ZNF609: variants seen among roughly 807,000 people sequenced by gnomAD.
The protein encoded by ZNF609 is zinc finger protein 609.
In ZNF609, 11 loss-of-function variants were observed where a neutral mutation model predicts 109.5. The ratio of observed to expected loss-of-function variants is 0.10; its 90% CI spans 0.06 to 0.17. The LOEUF (loss-of-function observed/expected upper bound fraction) is 0.17, where lower values mean the gene tolerates loss of function less well. Ranked by LOEUF, ZNF609 falls within the 10% of genes least tolerant of loss-of-function variation. The pLI is 1.00. For synonymous variants in ZNF609, 646 were observed against 662.0 expected (o/e 0.98, Z 0.37); for missense variants, 1,559 against 1,772.4 (o/e 0.88, Z 2.16).
intron 3 of ZNF609, among the ~76,000 whole-genome samples, chr15:64,659,835 CTTT>C (rs755818323): frequency 7.3e-5 from 10 of 137,198 alleles, no homozygotes; most frequent in Admixed American, 2.2e-4. Context: ...TTCTTTCTTT[CTTT>C]TTTTTTTTTT....
intron 2 of ZNF609, among the ~76,000 whole-genome samples, chr15:64,588,420 T>C (rs1187419167): frequency 1.2e-3 from 1 of 868 alleles, no homozygotes; most frequent in African/African-American, 1.4e-3. Flanking sequence ...AGAGCGACAC[T>C]CTGTCTAAAA....
At chr15:64,578,638 G>A (rs1010270421) in intron 2 of ZNF609, among the ~76,000 whole-genome samples, 1 of 152,182 alleles carries the variant, frequency 6.6e-6, no homozygotes. Flanking sequence ...GGTTGCAGTA[G>A]CTGAGATCGT....
chr15:64,674,944 A>G lies in ZNF609; in HGVS notation c.2090A>G (p.Asn697Ser), dbSNP rs1402293503. The G allele has an allele frequency of 3.1e-6, 5 of 1,614,020 alleles. No individual in the cohort carries two copies. The East Asian group carries it at 6.7e-5, about 22-fold the overall frequency. The change falls in exon 5 of 10, where the codon AAC becomes AGC. Residue 697 changes from asparagine (N) to serine (S), a missense_variant. Asn to Ser is a conservative substitution (Grantham distance 46, BLOSUM62 1). Transcript: ENST00000326648. ...GCCACAGTGGCACAAGCCATGCCCA[A>G]CAGTCCCCAACTCAAGCCCATTCAG... is the stretch of plus-strand genomic sequence containing the variant. ...LTATVAQAMP[N>S]SPQLKPIQPK...
intron 2 of ZNF609, among the ~76,000 whole-genome samples, chr15:64,541,217 G>A (rs1894253064): frequency 1.3e-5 from 2 of 150,368 alleles, no homozygotes; most frequent in Non-Finnish European, 3.0e-5. Context: ...CACGAGGTCA[G>A]GAGATCGAGA....
intron 1 of ZNF609, among the ~76,000 whole-genome samples, chr15:64,490,993 T>C (rs1208279110): frequency 6.6e-6 from 1 of 152,250 alleles, no homozygotes; most frequent in Non-Finnish European, 1.5e-5. Flanking sequence ...AGGTGACACA[T>C]GGTCAGATAA....
chr15:64,599,788 A>G (rs1483759682), intron 2 of ZNF609, among the ~76,000 whole-genome samples: 1 of 152,160 alleles, frequency 6.6e-6, no homozygotes, highest in Non-Finnish European at 1.5e-5. Flanking sequence ...AACCAAACCA[A>G]GCAGCTTGTT....
At chr15:64,656,406 C>T (rs1275039419) in intron 3 of ZNF609, among the ~76,000 whole-genome samples, 1 of 152,128 alleles carries the variant, frequency 6.6e-6, no homozygotes, top group East Asian at 1.9e-4. Flanking sequence ...GCCCACCAAT[C>T]AGTAACAATT....
intron 3 of ZNF609, among the ~76,000 whole-genome samples, chr15:64,669,967 C>CA (rs942248889): frequency 2.6e-5 from 4 of 151,504 alleles, no homozygotes; most frequent in Non-Finnish European, 5.9e-5. Flanking sequence ...CACTCCCGGC[C>CA]AAAAAAAAAT....
At chr15:64,529,509 G>T in intron 2 of ZNF609, 3 of 1,137,174 alleles carry the variant, frequency 2.6e-6, no homozygotes, top group South Asian at 2.4e-5. Context: ...CATGGAATTT[G>T]CCATGTGTAG....
chr15:64,631,172 A>T (rs1303239356), intron 3 of ZNF609: 1 of 612,604 alleles, frequency 1.6e-6, no homozygotes, highest in Non-Finnish European at 3.1e-6. Flanking sequence ...TGGTTCTCAC[A>T]AAGTGTGCTT....
chr15:64,644,587 G>C (rs2414852), intron 3 of ZNF609, among the ~76,000 whole-genome samples: 115,603 of 152,232 alleles, frequency 0.76, 47,730 homozygotes, highest in East Asian at 0.96. Context: ...ACCTTTACCA[G>C]AGCTTCTGCC....
intron 3 of ZNF609, among the ~76,000 whole-genome samples, chr15:64,625,289 G>A (rs940813287): frequency 8.5e-5 from 13 of 152,066 alleles, no homozygotes; most frequent in Admixed American, 8.5e-4. Flanking sequence ...GAGGCCAGGC[G>A]TGGTTTATCA....
intron 3 of ZNF609, among the ~76,000 whole-genome samples, chr15:64,651,339 T>A (rs1896412417): frequency 6.6e-6 from 1 of 152,182 alleles, no homozygotes; most frequent in South Asian, 2.1e-4. Flanking sequence ...AATAAATATA[T>A]GCAAATAATA....
chr15:64,489,920 A>G (rs1893388291), intron 1 of ZNF609, among the ~76,000 whole-genome samples: 1 of 151,894 alleles, frequency 6.6e-6, no homozygotes, highest in Non-Finnish European at 1.5e-5. Flanking sequence ...ATAGCCATCC[A>G]ATTATGAGGG....
chr15:64,462,798 C>T (rs1239085041), intron 1 of ZNF609, among the ~76,000 whole-genome samples: 2 of 152,036 alleles, frequency 1.3e-5, no homozygotes, highest in Admixed American at 6.6e-5. Flanking sequence ...TCTATATCTG[C>T]CTCTGTATTA....
chr15:64,598,774 A>G (rs1276485711), intron 2 of ZNF609, among the ~76,000 whole-genome samples: 37 of 127,064 alleles, frequency 2.9e-4, no homozygotes, highest in African/African-American at 7.3e-4. Flanking sequence ...ATATATATAT[A>G]TATATATATA....
intron 2 of ZNF609, among the ~76,000 whole-genome samples, chr15:64,605,334 GGTA>G (rs1895577240): frequency 6.6e-6 from 1 of 152,214 alleles, no homozygotes; most frequent in East Asian, 1.9e-4. Flanking sequence ...ATTTCCCAAA[GGTA>G]ATAGAGATTC....
At chr15:64,551,652 CAAAA>C (rs536364048) in intron 2 of ZNF609, among the ~76,000 whole-genome samples, 2 of 91,042 alleles carry the variant, frequency 2.2e-5, no homozygotes, top group Admixed American at 1.2e-4. Flanking sequence ...AACTCTGTCT[CAAAA>C]AAAAAAAAAA....
intron 2 of ZNF609, among the ~76,000 whole-genome samples, chr15:64,521,585 T>C (rs1223530063): frequency 6.6e-6 from 1 of 152,248 alleles, no homozygotes; most frequent in African/African-American, 2.4e-5. Flanking sequence ...AATATTCTGC[T>C]GCCAAGACGA....
Sources: gnomAD v4.1 joint callset for allele counts (sites outside exome capture counted in the v4.1 genomes callset) on GRCh38, gnomAD v4.1.1 for gene constraint, MANE v1.5 for transcripts, NCBI Gene and HGNC (gene_info 2026-07-23, HGNC 2026-07-21) for gene names.